ATP10B: variants seen among roughly 807,000 people sequenced by gnomAD.
ATP10B encodes the protein phospholipid-transporting ATPase VB.
ATP10B carries 122 observed loss-of-function variants against 141.2 expected under a neutral mutation model. That is an observed-to-expected ratio of 0.86 (90% CI 0.75 to 1.00). The LOEUF (loss-of-function observed/expected upper bound fraction) is 1.00. ATP10B is among the 50% of genes least tolerant of loss of function. The pLI is 0.00. For synonymous variants in ATP10B, 685 were observed against 692.0 expected, an observed-to-expected ratio of 0.99 and a Z score of 0.16; for missense variants, 1,876 against 1,825.3, an observed-to-expected ratio of 1.03 and a Z score of -0.51.
chr5:160,665,186 T>A (rs1253378448), intron 7 of ATP10B, among the ~76,000 whole-genome samples: 2 of 152,210 alleles, frequency 1.3e-5, no homozygotes, highest in African/African-American at 4.8e-5. Context: ...AGAAGAATTC[T>A]GAGGAAAGGA....
intron 8 of ATP10B, among the ~76,000 whole-genome samples, chr5:160,645,156 T>C (rs979789057): frequency 6.7e-6 from 1 of 150,240 alleles, no homozygotes; most frequent in Non-Finnish European, 1.5e-5. Context: ...TGTTCTGCTA[T>C]GGAGTTACCC....
chr5:160,579,404 C>T (rs751415501), intron 24 of ATP10B, among the ~76,000 whole-genome samples: 1 of 152,214 alleles, frequency 6.6e-6, no homozygotes, highest in Non-Finnish European at 1.5e-5. Flanking sequence ...GTTTTCCCAA[C>T]ACCATTTATT....
At chr5:160,803,764 A>G (rs1772567445) in intron 1 of ATP10B, among the ~76,000 whole-genome samples, 1 of 152,206 alleles carries the variant, frequency 6.6e-6, no homozygotes, top group East Asian at 1.9e-4. Flanking sequence ...TGGTCCTACC[A>G]CTAAACTCTC....
chr5:160,566,680 A>C (rs1439375777), intron 25 of ATP10B, among the ~76,000 whole-genome samples: 1 of 152,150 alleles, frequency 6.6e-6, no homozygotes. Context: ...AAGTGTAGGC[A>C]AGGAAAGGGG....
At chr5:160,783,311 C>T (rs1411478617) in intron 2 of ATP10B, among the ~76,000 whole-genome samples, 1 of 151,118 alleles carries the variant, frequency 6.6e-6, no homozygotes, top group Non-Finnish European at 1.5e-5. Flanking sequence ...GACTAATAGT[C>T]TCCAGTGTCA....
chr5:160,790,570 G>A (rs1189820849), intron 1 of ATP10B, among the ~76,000 whole-genome samples: 8 of 152,142 alleles, frequency 5.3e-5, no homozygotes, highest in African/African-American at 1.9e-4. Flanking sequence ...TTAGAACTGG[G>A]TAGGAGTCCT....
intron 17 of ATP10B, 97 bp downstream of exon 17, chr5:160,615,741 T>G: frequency 1.4e-6 from 2 of 1,476,760 alleles, no homozygotes; most frequent in Non-Finnish European, 1.8e-6. Context: ...AGGCTGCTAA[T>G]GGAGACATAT....
In ATP10B at chr5:160,806,277, A is replaced by G. The variant is rs577769156; in HGVS notation, c.-575-20474T>C. On this transcript the variant is annotated intron_variant, in intron 1 of 25. Transcript: ENST00000327245. ...AACCATCACAGAGGGATTCCATGTA[A>G]AGAGAGTTGCCAGTCCAATTACACT... Among the ~76,000 whole-genome samples, 10 of 152,330 alleles carry G rather than the reference A, an allele frequency of 6.6e-5. No individual in the cohort carries two copies. The South Asian group carries it at 1.7e-3, about 25-fold the overall frequency.
intron 22 of ATP10B, among the ~76,000 whole-genome samples, chr5:160,595,967 G>A (rs1756661997): frequency 6.6e-6 from 1 of 152,128 alleles, no homozygotes; most frequent in Non-Finnish European, 1.5e-5. Context: ...AGAGGTACAA[G>A]AAGGAAGTGG....
At chr5:160,657,387 A>G (rs1435379645) in intron 7 of ATP10B, among the ~76,000 whole-genome samples, 1 of 152,172 alleles carries the variant, frequency 6.6e-6, no homozygotes. Flanking sequence ...AAGATAACCC[A>G]CAACAGAGTG....
intron 1 of ATP10B, among the ~76,000 whole-genome samples, chr5:160,822,862 G>A (rs1186127838): frequency 6.6e-6 from 1 of 151,098 alleles, no homozygotes; most frequent in African/African-American, 2.4e-5. Flanking sequence ...ACTAGAGACT[G>A]GGAAGGGTAG....
At chr5:160,591,218 G>T in intron 22 of ATP10B, 79 bp from the exon 23 acceptor site, 2 of 1,206,150 alleles carry the variant, frequency 1.7e-6, no homozygotes, top group Non-Finnish European at 2.4e-6. Context: ...CTTGCATGTG[G>T]CTGCGACAGA....
chr5:160,690,539 G>A lies in ATP10B; in HGVS notation c.-204-1596C>T, dbSNP rs1581364385. The stretch of plus-strand genomic sequence containing the variant: ...AAACCAACAATCCCATCAAAAAGTG[G>A]GCAAAGGACATGAACAGACACTTCT... On this transcript the variant is annotated intron_variant, in intron 3 of 25. Coordinates refer to ENST00000327245, the MANE Select transcript of ATP10B (RefSeq NM_025153.3). 2.0e-5 allele frequency among the ~76,000 whole-genome samples: 3 copies of A among 152,088 alleles called. No homozygotes were observed. In the South Asian group the frequency reaches 6.2e-4, roughly 32 times the overall value.
intron 1 of ATP10B, among the ~76,000 whole-genome samples, chr5:160,792,040 G>A (rs1771608407): frequency 6.6e-6 from 1 of 151,994 alleles, no homozygotes; most frequent in Admixed American, 6.6e-5. Flanking sequence ...TTAGTCCTAT[G>A]CAGTGTTAAG....
chr5:160,591,046 C>T lies in ATP10B; in HGVS notation c.3645+13G>A. 1 of 1,607,720 alleles carries T rather than the reference C, an allele frequency of 6.2e-7. No individual in the cohort carries two copies. The highest frequency in any genetic ancestry group is 8.5e-7 in the Non-Finnish European group (1 of 1,174,724). On this transcript the variant is annotated intron_variant, in intron 23 of 25. Coordinates refer to ENST00000327245, the MANE Select transcript of ATP10B (RefSeq NM_025153.3). The stretch of plus-strand genomic sequence containing the variant: ...TGCAATTTATGTGGTTAGAATGGGA[C>T]TACATGACTTACCAGGTAAGGGATA...
At chr5:160,853,535 C>T (rs1043249672), upstream of ATP10B, among the ~76,000 whole-genome samples, 2 of 152,116 alleles carry the variant, frequency 1.3e-5, no homozygotes, top group Non-Finnish European at 2.9e-5. Flanking sequence ...TGGTCTTTCT[C>T]CTAAGACCAG....
intron 1 of ATP10B, among the ~76,000 whole-genome samples, chr5:160,833,055 C>T (rs571315694): frequency 6.6e-6 from 1 of 152,214 alleles, no homozygotes; most frequent in African/African-American, 2.4e-5. Context: ...CTCTGAGGAG[C>T]CTGGGAACTT....
intron 2 of ATP10B, among the ~76,000 whole-genome samples, chr5:160,741,147 T>G (rs1236327880): frequency 1.3e-5 from 2 of 152,222 alleles, no homozygotes; most frequent in Non-Finnish European, 2.9e-5. Flanking sequence ...TCATGCTTTA[T>G]GAACTGTGCA....
At chr5:160,652,897 T>C (rs1561701511) in intron 7 of ATP10B, among the ~76,000 whole-genome samples, 1 of 69,898 alleles carries the variant, frequency 1.4e-5, no homozygotes, top group East Asian at 3.9e-4. Context: ...AATTATATAA[T>C]ATATTATATA....
Sources: allele counts gnomAD v4.1 joint callset (sites outside exome capture counted in the v4.1 genomes callset), GRCh38; gene constraint gnomAD v4.1.1; transcripts MANE v1.5; gene names NCBI Gene and HGNC (gene_info 2026-07-23, HGNC 2026-07-21).